Variants in GRB14 observed in about 807,000 individuals in gnomAD.
The protein encoded by GRB14 is growth factor receptor bound protein 14.
A neutral mutation model predicts 69.1 loss-of-function variants in GRB14; 38 were observed. The observed-to-expected ratio is 0.55, with a 90% CI of 0.42 to 0.72. The LOEUF is 0.72. Among genes scored for constraint, GRB14 ranks in the 30% least tolerant of loss-of-function variants. The pLI, the probability that GRB14 is intolerant of heterozygous loss-of-function variation, is 0.00. For synonymous variants in GRB14, 247 were observed against 241.3 expected, an observed-to-expected ratio of 1.02 and a Z score of -0.22; for missense variants, 666 against 666.1, an observed-to-expected ratio of 1.00 and a Z score of 0.00.
intron 2 of GRB14, among the ~76,000 whole-genome samples, chr2:164,591,089 T>C (rs765093769): frequency 2.6e-5 from 4 of 152,236 alleles, no homozygotes; most frequent in Non-Finnish European, 5.9e-5. Flanking sequence ...TGTCTGTGTA[T>C]TTAACTGAGC....
intron 2 of GRB14, among the ~76,000 whole-genome samples, chr2:164,572,012 T>A (rs1689135293): frequency 6.6e-6 from 1 of 152,210 alleles, no homozygotes. Context: ...CCTTACTATG[T>A]GTAAAGTGCT....
intron 12 of GRB14, 112 bp from the exon 13 acceptor site, chr2:164,494,636 T>C: frequency 1.4e-6 from 1 of 722,488 alleles, no homozygotes; most frequent in Non-Finnish European, 2.5e-6. Context: ...GGGACTCCTT[T>C]ACTATGTATT....
At chr2:164,539,737 A>G (rs1261900972) in intron 3 of GRB14, 1 of 152,152 alleles carries the variant, frequency 6.6e-6, no homozygotes, top group Non-Finnish European at 1.5e-5. Context: ...CTCAACTCTC[A>G]TCTATCCTAT....
intron 2 of GRB14, chr2:164,573,679 C>A: frequency 3.1e-6 from 5 of 1,590,408 alleles, no homozygotes; most frequent in Non-Finnish European, 4.3e-6. Flanking sequence ...AAGCCAGAAT[C>A]TTGAGTTGCC....
chr2:164,534,417 T>C (rs568023039), intron 3 of GRB14, among the ~76,000 whole-genome samples: 1 of 152,210 alleles, frequency 6.6e-6, no homozygotes, highest in Non-Finnish European at 1.5e-5. Flanking sequence ...AAATTAGCAT[T>C]TCTTTTTTCA....
chr2:164,569,973 A>G (rs1413078492), intron 2 of GRB14, among the ~76,000 whole-genome samples: 6 of 152,202 alleles, frequency 3.9e-5, no homozygotes, highest in African/African-American at 1.4e-4. Flanking sequence ...ACAATAACAA[A>G]GACCATGGTA....
intron 8 of GRB14, among the ~76,000 whole-genome samples, chr2:164,505,454 A>C (rs1267030646): frequency 6.6e-6 from 1 of 152,190 alleles, no homozygotes; most frequent in Non-Finnish European, 1.5e-5. Flanking sequence ...TGGTGGGATC[A>C]AGAAATCACC....
At position 164,614,692 on chromosome 2, in the gene GRB14, G is replaced by A. The variant is rs1240501248; in HGVS notation, c.324+4995C>T. On this transcript the variant is annotated intron_variant, in intron 2 of 13. Coordinates refer to ENST00000263915, the MANE Select transcript of GRB14 (RefSeq NM_004490.3). ...CAAAATCTTGATAATTGCTGAGTCT[G>A]GAAAAACTACAATATGTACATGGGT... Among the ~76,000 whole-genome samples, 5 of 152,118 alleles carry A rather than the reference G, an allele frequency of 3.3e-5. No homozygotes were observed. In the South Asian group the frequency reaches 1.0e-3, roughly 32 times the overall value.
At chr2:164,495,962 TTAA>T (rs1479031837) in intron 12 of GRB14, among the ~76,000 whole-genome samples, 2 of 152,238 alleles carry the variant, frequency 1.3e-5, no homozygotes, top group Non-Finnish European at 2.9e-5. Flanking sequence ...TCAAAACATT[TTAA>T]TAATTCTTTG....
intron 2 of GRB14, among the ~76,000 whole-genome samples, chr2:164,552,694 A>G (rs958883258): frequency 1.3e-5 from 2 of 152,172 alleles, no homozygotes; most frequent in African/African-American, 4.8e-5. Flanking sequence ...TGGTGAATAC[A>G]TGTCATGCCC....
chr2:164,534,895 A>AAATCCATCTAAATCCATCTAAAT (rs1688040766), intron 3 of GRB14, among the ~76,000 whole-genome samples: 3 of 152,186 alleles, frequency 2.0e-5, no homozygotes, highest in Non-Finnish European at 4.4e-5. Flanking sequence ...TTATTTTTAA[A>AAATCCATCTAAATCCATCTAAAT]ACTTTATAAA....
intron 2 of GRB14, among the ~76,000 whole-genome samples, chr2:164,591,076 TTCTG>T (rs1205300848): frequency 2.0e-5 from 3 of 152,222 alleles, no homozygotes; most frequent in Non-Finnish European, 2.9e-5. Flanking sequence ...TGCACAGAAA[TTCTG>T]TCTGTGTATT....
intron 2 of GRB14, among the ~76,000 whole-genome samples, chr2:164,548,506 C>T (rs1688444476): frequency 6.6e-6 from 1 of 152,108 alleles, no homozygotes; most frequent in Admixed American, 6.6e-5. Flanking sequence ...GTAAATAATG[C>T]TGCAATGAAC....
At chr2:164,603,883 A>C (rs1417882227) in intron 2 of GRB14, among the ~76,000 whole-genome samples, 2 of 152,226 alleles carry the variant, frequency 1.3e-5, no homozygotes. Flanking sequence ...AGCTATCAAT[A>C]CCATATAAAG....
At chr2:164,565,224 T>C (rs1045555495) in intron 2 of GRB14, among the ~76,000 whole-genome samples, 2 of 152,146 alleles carry the variant, frequency 1.3e-5, no homozygotes, top group Non-Finnish European at 2.9e-5. Flanking sequence ...ATGTTTTCTT[T>C]ATGTAATGTG....
At chr2:164,588,689 C>T (rs1160296569) in intron 2 of GRB14, among the ~76,000 whole-genome samples, 2 of 152,074 alleles carry the variant, frequency 1.3e-5, no homozygotes, top group Non-Finnish European at 2.9e-5. Context: ...TCAGGTAGAC[C>T]TCCTTATGTT....
Position 164,573,903 on chromosome 2 carries a change from G to A in GRB14, c.325-26087C>T. The A allele has an allele frequency of 1.9e-6, 3 of 1,612,236 alleles. No individual in the cohort carries two copies. In the South Asian group the frequency reaches 3.3e-5, roughly 18 times the overall value. ...GATGCCAAGATTGATTCTAAATTAG[G>A]TCATGTGGTTATGGGTAACAATGCA... On this transcript the variant is annotated intron_variant, in intron 2 of 13. Transcript: ENST00000263915.
At chr2:164,600,742 A>G (rs1689894824) in intron 2 of GRB14, among the ~76,000 whole-genome samples, 1 of 152,208 alleles carries the variant, frequency 6.6e-6, no homozygotes. Flanking sequence ...TTATATTGAC[A>G]AGTAAAATAA....
chr2:164,519,274 A>G (rs1440994848), intron 6 of GRB14, among the ~76,000 whole-genome samples: 1 of 152,176 alleles, frequency 6.6e-6, no homozygotes, highest in Non-Finnish European at 1.5e-5. Context: ...CAAAAATCAC[A>G]TGTTCATCTC....
Sources: gnomAD v4.1 joint callset for allele counts (sites outside exome capture counted in the v4.1 genomes callset) on GRCh38, gnomAD v4.1.1 for gene constraint, MANE v1.5 for transcripts, NCBI Gene and HGNC (gene_info 2026-07-23, HGNC 2026-07-21) for gene names.